The following CTNNA1 variants were observed in gnomAD, a reference collection of about 807,000 sequenced individuals.
CTNNA1 encodes catenin alpha-1.
CTNNA1 carries 37 observed loss-of-function variants against 98.4 expected under a neutral mutation model. That is an observed-to-expected ratio of 0.38 (90% confidence interval 0.29 to 0.49). The LOEUF is 0.49. CTNNA1 is among the 20% of genes least tolerant of loss of function. The pLI is 0.95. For synonymous variants in CTNNA1, 404 were observed against 413.2 expected, an observed-to-expected ratio of 0.98 and a Z score of 0.27; for missense variants, 761 against 1,147.2, an observed-to-expected ratio of 0.66 and a Z score of 4.86.
At chr5:138,834,190 G>A (rs910671004) in intron 7 of CTNNA1, among the ~76,000 whole-genome samples, 1 of 152,136 alleles carries the variant, frequency 6.6e-6, no homozygotes, top group African/African-American at 2.4e-5. Flanking sequence ...ACTCTGAAGA[G>A]CTTGTTACTG....
chr5:138,780,747 C>G (rs1011416213), intron 1 of CTNNA1, among the ~76,000 whole-genome samples: 11 of 151,514 alleles, frequency 7.3e-5, no homozygotes, highest in Non-Finnish European at 1.0e-4. Flanking sequence ...AACTCCCGAC[C>G]TCAGGTGATC....
intron 9 of CTNNA1, 177 bp downstream of exon 9, chr5:138,887,819 T>A (rs1754408609): frequency 3.7e-6 from 2 of 541,332 alleles, no homozygotes; most frequent in East Asian, 6.4e-5. Flanking sequence ...TTGGTCACTT[T>A]ACATTAACTA....
intron 3 of CTNNA1, among the ~76,000 whole-genome samples, chr5:138,806,174 C>T (rs185285635): frequency 6.6e-6 from 1 of 152,290 alleles, no homozygotes; most frequent in Admixed American, 6.5e-5. Context: ...TTGTTAAAAT[C>T]AGAATATATT....
chr5:138,807,597 G>A (rs528982649), intron 3 of CTNNA1, among the ~76,000 whole-genome samples: 37 of 151,948 alleles, frequency 2.4e-4, no homozygotes, highest in South Asian at 1.7e-3. Context: ...TGAAGGCAGG[G>A]ATGTTATGTT....
chr5:138,794,507 G>A (rs969937987), intron 3 of CTNNA1, among the ~76,000 whole-genome samples: 1 of 152,202 alleles, frequency 6.6e-6, no homozygotes, highest in Non-Finnish European at 1.5e-5. Flanking sequence ...TGGAAGGCTT[G>A]ATTGAGAAGA....
At chr5:138,902,621 G>A (rs1031566572) in intron 9 of CTNNA1, among the ~76,000 whole-genome samples, 48 of 152,200 alleles carry the variant, frequency 3.2e-4, no homozygotes, top group African/African-American at 9.9e-4. Flanking sequence ...GGGTTTCACC[G>A]TGTTAGCCAG....
chr5:138,795,213 G>A (rs1756821874), intron 3 of CTNNA1, among the ~76,000 whole-genome samples: 1 of 148,250 alleles, frequency 6.7e-6, no homozygotes, highest in African/African-American at 2.5e-5. Context: ...TGTAATCCCA[G>A]CACTTTGGGA....
At chr5:138,859,542 A>C (rs1358120723) in intron 7 of CTNNA1, among the ~76,000 whole-genome samples, 1 of 152,190 alleles carries the variant, frequency 6.6e-6, no homozygotes, top group Non-Finnish European at 1.5e-5. Flanking sequence ...TTGAATCTTA[A>C]TTGTTCTGCA....
At chr5:138,777,641 C>T (rs905019227) in intron 1 of CTNNA1, among the ~76,000 whole-genome samples, 9 of 151,922 alleles carry the variant, frequency 5.9e-5, no homozygotes, top group South Asian at 2.1e-4. Flanking sequence ...GGATCACTCG[C>T]GGTTAGGAGC....
At chr5:138,824,445 C>A in intron 5 of CTNNA1, 85 bp from the exon 6 acceptor site, 2 of 1,432,500 alleles carry the variant, frequency 1.4e-6, no homozygotes, top group Non-Finnish European at 1.9e-6. Flanking sequence ...GAAATTCTAA[C>A]TTTTCAGCAT....
chr5:138,766,262 T>G (rs1047972305), intron 1 of CTNNA1, among the ~76,000 whole-genome samples: 11 of 152,084 alleles, frequency 7.2e-5, no homozygotes, highest in Non-Finnish European at 1.3e-4. Context: ...GCTTTCCAGT[T>G]TGAGAAGACT....
intron 5 of CTNNA1, among the ~76,000 whole-genome samples, chr5:138,823,747 G>A (rs1760295416): frequency 6.6e-6 from 1 of 151,866 alleles, no homozygotes. Flanking sequence ...CACGAGGTCA[G>A]GAGATCGAGG....
At chr5:138,830,566 C>G (rs1322982203) in intron 7 of CTNNA1, among the ~76,000 whole-genome samples, 2 of 152,144 alleles carry the variant, frequency 1.3e-5, no homozygotes, top group African/African-American at 4.8e-5. Flanking sequence ...TTGAAGAAAG[C>G]TTAGAATGAT....
chr5:138,804,471 C>G (rs1757884953), intron 3 of CTNNA1, among the ~76,000 whole-genome samples: 1 of 152,226 alleles, frequency 6.6e-6, no homozygotes, highest in Non-Finnish European at 1.5e-5. Flanking sequence ...AGTCCTCATT[C>G]TTACCTGCTT....
chr5:138,881,587 T>C (rs1441872904), intron 7 of CTNNA1, among the ~76,000 whole-genome samples: 1 of 152,252 alleles, frequency 6.6e-6, no homozygotes, highest in Admixed American at 6.5e-5. Flanking sequence ...AGAAACCTTC[T>C]TGGTTGTGAG....
rs933671107 is a variant in CTNNA1, at chr5:138,934,820, T to G, written c.*731T>G. 6.6e-6 allele frequency: 1 copy of G among 152,654 alleles called. No individual in the cohort carries two copies. The highest frequency in any genetic ancestry group is 1.5e-5 in the Non-Finnish European group (1 of 68,064). The allele number at this position is 152,654 out of a possible 1,614,324, so 9.5% of individuals were successfully genotyped here. A position where few individuals can be genotyped will look rare whatever the true frequency, so the allele number is the denominator to read the frequency against. On this transcript the variant is annotated 3_prime_UTR_variant, in exon 18 of 18. Coordinates refer to ENST00000302763, the MANE Select transcript of CTNNA1 (RefSeq NM_001903.5). ...TCTAATAACTGCAGTGTTTCCCGCC[T>G]TGGGCTTGCAGCAGAAAAACCTGAC...
chr5:138,888,662 C>T (rs1410411232), intron 9 of CTNNA1, among the ~76,000 whole-genome samples: 1 of 152,148 alleles, frequency 6.6e-6, no homozygotes, highest in Admixed American at 6.5e-5. Context: ...ATTCTCCTGC[C>T]TCAGCCTCCT....
At chr5:138,881,964 GA>G (rs2149997012) in intron 7 of CTNNA1, among the ~76,000 whole-genome samples, 1 of 152,316 alleles carries the variant, frequency 6.6e-6, no homozygotes, top group East Asian at 1.9e-4. Flanking sequence ...AGGTTTATTT[GA>G]AGTCTTATAT....
chr5:138,860,496 G>GTTTGT (rs59940464), intron 7 of CTNNA1, among the ~76,000 whole-genome samples: 101,795 of 150,126 alleles, frequency 0.68, 34,723 homozygotes, highest in East Asian at 0.93. Context: ...GGTTTTTTTT[G>GTTTGT]TTTGTTTTGT....
Sources: allele counts gnomAD v4.1 joint callset (sites outside exome capture counted in the v4.1 genomes callset), GRCh38; gene constraint gnomAD v4.1.1; transcripts MANE v1.5; gene names NCBI Gene and HGNC (gene_info 2026-07-23, HGNC 2026-07-21).